The following PPP1R9A variants were observed in gnomAD, a reference collection of about 807,000 sequenced individuals.
PPP1R9A encodes the protein protein phosphatase 1 regulatory subunit 9A, also known as neurabin-1.
In PPP1R9A, 59 loss-of-function variants were observed where a neutral mutation model predicts 141.9. The observed-to-expected ratio is 0.42, with a 90% CI of 0.34 to 0.52. PPP1R9A has a LOEUF of 0.52. PPP1R9A is among the 20% of genes least tolerant of loss of function. The pLI is 0.10. For synonymous variants in PPP1R9A, 500 were observed against 569.7 expected (o/e 0.88, Z 1.74); for missense variants, 1,444 against 1,611.9 (o/e 0.90, Z 1.78).
At chr7:95,091,028 G>A (rs1270449999) in intron 2 of PPP1R9A, among the ~76,000 whole-genome samples, 2 of 151,896 alleles carry the variant, frequency 1.3e-5, no homozygotes, top group Non-Finnish European at 2.9e-5. Context: ...TCATATCAAT[G>A]TACCACTTCT....
chr7:94,957,713 G>T lies in PPP1R9A; in HGVS notation c.1395+46205G>T, dbSNP rs574639098. Among the ~76,000 whole-genome samples, 41 of 152,156 alleles carry T rather than the reference G, an allele frequency of 2.7e-4. 1 individual carries two copies. In the South Asian group the frequency reaches 8.1e-3, roughly 30 times the overall value. On this transcript the variant is annotated intron_variant, in intron 2 of 19. Transcript: ENST00000433360. ...ATTTCATGGAGATATACAATGCCTA[G>T]CTTTGGAGGAGTTAAAAATTGGTGC...
intron 2 of PPP1R9A, among the ~76,000 whole-genome samples, chr7:95,082,766 CTTTTT>C (rs1159814204): frequency 0.027 from 2,917 of 109,410 alleles, 99 homozygotes; most frequent in African/African-American, 0.11. Context: ...GAAGGGATTT[CTTTTT>C]TTTTTTTTTT....
chr7:95,005,475 A>G (rs541382880), intron 2 of PPP1R9A, among the ~76,000 whole-genome samples: 1 of 152,310 alleles, frequency 6.6e-6, no homozygotes, highest in African/African-American at 2.4e-5. Flanking sequence ...AATCACAGAT[A>G]TAAAATGCAT....
At chr7:95,139,808 A>G (rs1185154646) in intron 4 of PPP1R9A, among the ~76,000 whole-genome samples, 1 of 149,680 alleles carries the variant, frequency 6.7e-6, no homozygotes, top group Non-Finnish European at 1.5e-5. Context: ...AAAGCAAAAC[A>G]TTAAAAAAAA....
chr7:95,048,303 A>C (rs1279734574), intron 2 of PPP1R9A, among the ~76,000 whole-genome samples: 1 of 152,176 alleles, frequency 6.6e-6, no homozygotes, highest in African/African-American at 2.4e-5. Context: ...TACATAACAA[A>C]GTTTTAAGAT....
At chr7:94,989,143 T>A (rs1212299097) in intron 2 of PPP1R9A, among the ~76,000 whole-genome samples, 1 of 151,952 alleles carries the variant, frequency 6.6e-6, no homozygotes, top group Non-Finnish European at 1.5e-5. Flanking sequence ...AGTTTCCAGG[T>A]GATGTTAATG....
intron 4 of PPP1R9A, among the ~76,000 whole-genome samples, chr7:95,149,978 G>C (rs1261988214): frequency 6.6e-6 from 1 of 152,076 alleles, no homozygotes; most frequent in Non-Finnish European, 1.5e-5. Flanking sequence ...CAGTAATCAA[G>C]ACTGTGTGGT....
At chr7:95,115,290 A>C (rs951012437) in intron 3 of PPP1R9A, among the ~76,000 whole-genome samples, 2 of 152,160 alleles carry the variant, frequency 1.3e-5, no homozygotes, top group Non-Finnish European at 2.9e-5. Context: ...AATGCCCAGA[A>C]ATAATTTATG....
chr7:94,938,294 T>C (rs572476167), intron 2 of PPP1R9A, among the ~76,000 whole-genome samples: 9 of 152,222 alleles, frequency 5.9e-5, no homozygotes, highest in African/African-American at 1.7e-4. Flanking sequence ...GCCCCTGAAT[T>C]TTTTGTGGAA....
chr7:95,138,255 A>G (rs968683918), intron 4 of PPP1R9A, among the ~76,000 whole-genome samples: 1 of 152,192 alleles, frequency 6.6e-6, no homozygotes, highest in Non-Finnish European at 1.5e-5. Context: ...TAAAAGTACC[A>G]TGATAATTCC....
chr7:95,286,064 T>G, intron 17 of PPP1R9A, 142 bp from the exon 18 acceptor site: 1 of 1,351,406 alleles, frequency 7.4e-7, no homozygotes. Flanking sequence ...TCTCAACCGC[T>G]GCCCCATTGA....
intron 2 of PPP1R9A, among the ~76,000 whole-genome samples, chr7:94,917,043 T>G (rs1792161431): frequency 6.6e-6 from 1 of 152,202 alleles, no homozygotes; most frequent in Non-Finnish European, 1.5e-5. Context: ...CTCGAACTCC[T>G]GACCTCAAGT....
At chr7:94,958,414 T>C (rs1440345065) in intron 2 of PPP1R9A, among the ~76,000 whole-genome samples, 1 of 152,082 alleles carries the variant, frequency 6.6e-6, no homozygotes, top group African/African-American at 2.4e-5. Context: ...GTCTATCTCA[T>C]TCACCTCTTT....
At chr7:95,177,502 C>A (rs949163123) in intron 5 of PPP1R9A, among the ~76,000 whole-genome samples, 10 of 152,018 alleles carry the variant, frequency 6.6e-5, no homozygotes, top group African/African-American at 2.4e-4. Flanking sequence ...CAACAAATAG[C>A]ATGACGTATG....
At chr7:95,179,014 A>G (rs985239169) in intron 5 of PPP1R9A, among the ~76,000 whole-genome samples, 1 of 152,148 alleles carries the variant, frequency 6.6e-6, no homozygotes, top group African/African-American at 2.4e-5. Flanking sequence ...ACCCTCCCTA[A>G]ATCATTCTAT....
At chr7:95,039,138 T>C (rs1226350519) in intron 2 of PPP1R9A, among the ~76,000 whole-genome samples, 1 of 152,140 alleles carries the variant, frequency 6.6e-6, no homozygotes, top group Non-Finnish European at 1.5e-5. Context: ...GCCCTTATCA[T>C]AGATGACACA....
intron 6 of PPP1R9A, among the ~76,000 whole-genome samples, chr7:95,199,303 T>C (rs1585205988): frequency 6.6e-6 from 1 of 152,214 alleles, no homozygotes; most frequent in East Asian, 1.9e-4. Flanking sequence ...ACAATTTAAT[T>C]GTAGTATTTT....
chr7:94,943,641 C>T, intron 2 of PPP1R9A, among the ~76,000 whole-genome samples: 1 of 152,114 alleles, frequency 6.6e-6, no homozygotes, highest in Non-Finnish European at 1.5e-5. Flanking sequence ...CATCTACTGA[C>T]ATGCTTTGAA....
At chr7:95,275,185 A>T (rs1345656919) in intron 16 of PPP1R9A, among the ~76,000 whole-genome samples, 2 of 152,156 alleles carry the variant, frequency 1.3e-5, no homozygotes, top group African/African-American at 4.8e-5. Flanking sequence ...AGGCGGGTGG[A>T]TCACCTGAGG....
Sources: gnomAD v4.1 joint callset for allele counts (sites outside exome capture counted in the v4.1 genomes callset) on GRCh38, gnomAD v4.1.1 for gene constraint, MANE v1.5 for transcripts, NCBI Gene and HGNC (gene_info 2026-07-23, HGNC 2026-07-21) for gene names.